Variants in ETS1 observed in about 807,000 individuals in gnomAD.
ETS1 encodes the protein ETS proto-oncogene 1, transcription factor, also known as protein C-ets-1.
ETS1 carries 15 observed loss-of-function variants against 58.6 expected under a neutral mutation model. That is an observed-to-expected ratio of 0.26 (90% CI 0.17 to 0.39). The LOEUF is 0.39. Ranked by LOEUF, ETS1 falls within the 10% of genes least tolerant of loss-of-function variation. The probability of loss-of-function intolerance (pLI) is 1.00; values close to 1 mark genes in which losing one functional copy is unlikely to be tolerated. For synonymous variants in ETS1, 214 were observed against 218.2 expected, an observed-to-expected ratio of 0.98 and a Z score of 0.17; for missense variants, 417 against 610.5, an observed-to-expected ratio of 0.68 and a Z score of 3.34.
chr11:128,571,469 C>T (rs1274279820), intron 2 of ETS1, among the ~76,000 whole-genome samples: 2 of 112,442 alleles, frequency 1.8e-5, no homozygotes, highest in South Asian at 3.3e-4. Context: ...AGCGAGACTC[C>T]GTCCAGCCTG....
intron 1 of ETS1, among the ~76,000 whole-genome samples, chr11:128,580,566 G>A (rs1944854): frequency 0.4 from 60,854 of 152,036 alleles, 12,568 homozygotes; most frequent in East Asian, 0.62. Flanking sequence ...TGGTTTTTCT[G>A]TCTCACTACT....
rs2135405503 is a variant in ETS1 at position 128,461,270 on chromosome 11, C to G, written c.*1091G>C. The stretch of plus-strand genomic sequence containing the variant: ...TTTCTTAGGACCTGAGGGGTAATGC[C>G]CATGCATACAGCTTTTATTCCAAGT... On this transcript the variant is annotated 3_prime_UTR_variant, in exon 10 of 10. Coordinates refer to ENST00000392668, the MANE Select transcript of ETS1 (RefSeq NM_001143820.2). 6.5e-6 allele frequency: 1 copy of G among 152,744 alleles called. No individual in the cohort carries two copies. Among genetic ancestry groups the G allele is most frequent in the South Asian group, 2.1e-4 (1 of 4,806 alleles). 9.5% of individuals were successfully genotyped at this position (152,744 alleles called of 1,614,324 possible). A position where few individuals can be genotyped will look rare whatever the true frequency, so the allele number is the denominator to read the frequency against.
intron 3 of ETS1, among the ~76,000 whole-genome samples, chr11:128,534,730 T>C (rs1458571045): frequency 6.6e-6 from 1 of 152,212 alleles, no homozygotes; most frequent in Non-Finnish European, 1.5e-5. Flanking sequence ...TCCAGGTCCA[T>C]CCATGTCCCT....
At chr11:128,476,733 T>C (rs751148957) in intron 8 of ETS1, among the ~76,000 whole-genome samples, 1 of 152,278 alleles carries the variant, frequency 6.6e-6, no homozygotes, top group Non-Finnish European at 1.5e-5. Context: ...GACTGTGTTG[T>C]AATTAGAAGG....
intron 3 of ETS1, among the ~76,000 whole-genome samples, chr11:128,506,842 A>T (rs991663033): frequency 2.0e-5 from 3 of 152,204 alleles, no homozygotes; most frequent in Admixed American, 6.5e-5. Flanking sequence ...GAAGGGCCAC[A>T]GGTTCTAGGA....
rs376539447 is a variant in ETS1, at chr11:128,501,410, C to T, written c.215-10834G>A. Among the ~76,000 whole-genome samples, 8 of 152,322 alleles carry T rather than the reference C, an allele frequency of 5.3e-5. 1 individual carries two copies. Among genetic ancestry groups the T allele is most frequent in the African/African-American group, 1.7e-4 (7 of 41,566 alleles). ...CTCTCCATAGAAAGTGATACTGAAC[C>T]AGTTCTGTACCTATTGACTGAATTT... On this transcript the variant is annotated intron_variant, in intron 3 of 9. Transcript: ENST00000392668.
At chr11:128,498,513 C>T (rs1322724238) in intron 3 of ETS1, among the ~76,000 whole-genome samples, 20 of 152,102 alleles carry the variant, frequency 1.3e-4, no homozygotes, top group Admixed American at 1.3e-3. Context: ...ATATGTTTGC[C>T]GTGACACTTC....
At chr11:128,524,362 G>A (rs781719143) in intron 3 of ETS1, among the ~76,000 whole-genome samples, 1 of 152,182 alleles carries the variant, frequency 6.6e-6, no homozygotes, top group Non-Finnish European at 1.5e-5. Context: ...AAGGAATAGG[G>A]TTGCGTAAAG....
At chr11:128,524,162 A>G (rs1332018096) in intron 3 of ETS1, among the ~76,000 whole-genome samples, 1 of 152,206 alleles carries the variant, frequency 6.6e-6, no homozygotes, top group Non-Finnish European at 1.5e-5. Flanking sequence ...TAGCCTAAAC[A>G]CTGCTGCTAA....
intron 3 of ETS1, among the ~76,000 whole-genome samples, chr11:128,537,541 A>G (rs1484807247): frequency 3.3e-5 from 5 of 152,138 alleles, no homozygotes; most frequent in Admixed American, 3.3e-4. Flanking sequence ...TCAGCTCCCT[A>G]CCCCTGGGAA....
intron 3 of ETS1, among the ~76,000 whole-genome samples, chr11:128,551,488 A>T (rs147972608): frequency 5.8e-4 from 89 of 152,350 alleles, no homozygotes; most frequent in Non-Finnish European, 1.1e-3. Context: ...TTTTGTTAGT[A>T]AATTTGTTTT....
At chr11:128,551,691 A>G (rs4245080) in intron 3 of ETS1, among the ~76,000 whole-genome samples, 69,984 of 151,960 alleles carry the variant, frequency 0.46, 16,672 homozygotes, top group East Asian at 0.81. Context: ...TATCCCGGGC[A>G]TGGCACTGGT....
intron 2 of ETS1, among the ~76,000 whole-genome samples, chr11:128,571,574 A>G (rs1256872683): frequency 2.0e-5 from 3 of 149,898 alleles, no homozygotes; most frequent in Non-Finnish European, 4.4e-5. Context: ...TTAATATACA[A>G]TTACAGTGAG....
chr11:128,584,946 G>GA (rs1318232390), intron 1 of ETS1, among the ~76,000 whole-genome samples: 1 of 17,290 alleles, frequency 5.8e-5, no homozygotes, highest in Non-Finnish European at 9.8e-5. Context: ...AGAAAAGAAA[G>GA]AAAGAAAGAA....
chr11:128,531,774 T>C (rs557395563), intron 3 of ETS1, among the ~76,000 whole-genome samples: 2 of 152,342 alleles, frequency 1.3e-5, no homozygotes, highest in African/African-American at 4.8e-5. Flanking sequence ...CCAATGATTT[T>C]TGCAACCTAA....
At chr11:128,552,225 A>G (rs191586487) in intron 3 of ETS1, among the ~76,000 whole-genome samples, 86 of 152,248 alleles carry the variant, frequency 5.6e-4, no homozygotes, top group African/African-American at 2.0e-3. Flanking sequence ...AACACAAGCA[A>G]CCTGGGTCCA....
intron 3 of ETS1, among the ~76,000 whole-genome samples, chr11:128,532,351 A>G (rs1055588345): frequency 3.3e-5 from 5 of 152,268 alleles, no homozygotes; most frequent in African/African-American, 1.2e-4. Context: ...CTAAAAACAC[A>G]GAATTTGCCA....
chr11:128,491,423 G>T (rs1862796230), intron 3 of ETS1, among the ~76,000 whole-genome samples: 1 of 152,220 alleles, frequency 6.6e-6, no homozygotes, highest in Non-Finnish European at 1.5e-5. Flanking sequence ...CAACGTTAAT[G>T]TGCAACAGGA....
chr11:128,581,201 C>T (rs1180224002), intron 1 of ETS1, among the ~76,000 whole-genome samples: 2 of 152,182 alleles, frequency 1.3e-5, no homozygotes, highest in Non-Finnish European at 2.9e-5. Flanking sequence ...TCTTGCTTCT[C>T]CTAGGCATCA....
Sources: allele counts gnomAD v4.1 joint callset (sites outside exome capture counted in the v4.1 genomes callset), GRCh38; gene constraint gnomAD v4.1.1; transcripts MANE v1.5; gene names NCBI Gene and HGNC (gene_info 2026-07-23, HGNC 2026-07-21).